The following GRHL2 variants were observed in gnomAD, a reference collection of about 807,000 sequenced individuals.
The protein encoded by GRHL2 is grainyhead like transcription factor 2, also known as grainyhead-like protein 2 homolog.
In GRHL2, 21 loss-of-function variants were observed where a neutral mutation model predicts 83.8. The observed-to-expected ratio is 0.25, with a 90% CI of 0.18 to 0.36. GRHL2 has a LOEUF of 0.36. Among genes scored for constraint, GRHL2 ranks in the 10% least tolerant of loss-of-function variants. The pLI is 1.00. For missense variants in GRHL2, 623 were observed against 781.8 expected (o/e 0.80, Z 2.42); for synonymous variants, 280 against 278.9 (o/e 1.00, Z -0.04).
chr8:101,512,714 C>G (rs968506168), intron 1 of GRHL2, among the ~76,000 whole-genome samples: 1 of 152,194 alleles, frequency 6.6e-6, no homozygotes, highest in African/African-American at 2.4e-5. Flanking sequence ...AAATCTTTCT[C>G]TTTTATTACG....
At chr8:101,575,843 GGTA>G (rs1811922905) in intron 6 of GRHL2, among the ~76,000 whole-genome samples, 1 of 152,238 alleles carries the variant, frequency 6.6e-6, no homozygotes, top group African/African-American at 2.4e-5. Context: ...TGGCTGAGCT[GGTA>G]GTTGCACCAG....
chr8:101,509,209 TTGTG>T (rs59898617), intron 1 of GRHL2, among the ~76,000 whole-genome samples: 17,552 of 53,794 alleles, frequency 0.33, 2,445 homozygotes, highest in Middle Eastern at 0.5. Flanking sequence ...TTCTTTCTTC[TTGTG>T]TGTGTGTGTG....
intron 1 of GRHL2, among the ~76,000 whole-genome samples, chr8:101,526,873 T>TA (rs1297861471): frequency 2.0e-5 from 3 of 152,204 alleles, no homozygotes; most frequent in African/African-American, 7.2e-5. Context: ...GTGAGGTTAA[T>TA]AAAATTAATA....
intron 13 of GRHL2, among the ~76,000 whole-genome samples, 163 bp from the exon 14 acceptor site, chr8:101,649,251 G>A (rs1161929401): frequency 6.6e-6 from 1 of 152,194 alleles, no homozygotes; most frequent in Non-Finnish European, 1.5e-5. Context: ...TTATGGAGAT[G>A]TCTCAGTCAC....
chr8:101,573,223 G>GC lies in GRHL2; in HGVS notation c.735-445_735-444insC, dbSNP rs757639833. Among the ~76,000 whole-genome samples, 728 of 140,774 alleles carry GC rather than the reference G, an allele frequency of 5.2e-3. 4 individuals are homozygous for GC. The highest frequency in any genetic ancestry group is 0.016 in the Middle Eastern group (4 of 258). 92.4% of individuals were successfully genotyped at this position (140,774 alleles called of 152,430 possible). A position where few individuals can be genotyped will look rare whatever the true frequency, so the allele number is the denominator to read the frequency against. ...GTTTTATAGTAAGATACAGCTATCT[G>GC]TAACACCTTGGTTAGACAAAAAAAA... On this transcript the variant is annotated intron_variant, in intron 5 of 15. Coordinates refer to ENST00000646743, the MANE Select transcript of GRHL2 (RefSeq NM_024915.4).
intron 14 of GRHL2, among the ~76,000 whole-genome samples, chr8:101,652,346 TGTG>T (rs767375638): frequency 7.5e-4 from 51 of 68,302 alleles, no homozygotes; most frequent in African/African-American, 4.6e-3. Context: ...TGTGTATGTG[TGTG>T]GTGTGTGTGG....
At chr8:101,503,598 A>G (rs1248008099) in intron 1 of GRHL2, among the ~76,000 whole-genome samples, 4 of 152,228 alleles carry the variant, frequency 2.6e-5, no homozygotes, top group Non-Finnish European at 5.9e-5. Flanking sequence ...TTCCAGTTTC[A>G]GGGATTTGTC....
chr8:101,619,232 G>A (rs908878070), intron 8 of GRHL2, among the ~76,000 whole-genome samples: 5 of 152,028 alleles, frequency 3.3e-5, no homozygotes, highest in African/African-American at 4.8e-5. Flanking sequence ...CAGCCTGGGC[G>A]ACAGAGTGAG....
At chr8:101,663,639 A>T (rs199862523) in intron 14 of GRHL2, among the ~76,000 whole-genome samples, 15 of 124,912 alleles carry the variant, frequency 1.2e-4, no homozygotes, top group Middle Eastern at 4.0e-3. Flanking sequence ...ATAAATAAAT[A>T]AATAAAAATA....
intron 1 of GRHL2, among the ~76,000 whole-genome samples, chr8:101,503,736 A>G (rs1292206046): frequency 6.6e-6 from 1 of 152,202 alleles, no homozygotes; most frequent in Non-Finnish European, 1.5e-5. Context: ...ATGGGACACT[A>G]TGCAAGCATT....
intron 7 of GRHL2, among the ~76,000 whole-genome samples, chr8:101,583,226 G>A (rs1316403152): frequency 6.6e-6 from 1 of 152,194 alleles, no homozygotes; most frequent in Non-Finnish European, 1.5e-5. Flanking sequence ...AGGTAATTCT[G>A]AGCCAGCATG....
intron 7 of GRHL2, among the ~76,000 whole-genome samples, chr8:101,592,063 C>A (rs1489103417): frequency 1.3e-5 from 2 of 150,904 alleles, no homozygotes; most frequent in African/African-American, 2.4e-5. Flanking sequence ...TGACGTAGGA[C>A]CTTAATGACA....
chr8:101,664,434 T>C lies in GRHL2; in HGVS notation c.1699-20T>C. ...GGCGTCCTTCTGTGCTCATCTGCCT[T>C]CTTGTTATTGGTATTACAGATATCT... On this transcript the variant is annotated intron_variant, in intron 14 of 15. Coordinates refer to ENST00000646743, the MANE Select transcript of GRHL2 (RefSeq NM_024915.4). The C allele has an allele frequency of 6.2e-7, 1 of 1,604,212 alleles. No individual in the cohort carries two copies. Among genetic ancestry groups the C allele is most frequent in the Non-Finnish European group, 8.5e-7 (1 of 1,171,102 alleles).
At chr8:101,678,785 T>C in the GRHL2 span, among the ~76,000 whole-genome samples, 2 of 152,048 alleles carry the variant, frequency 1.3e-5, no homozygotes, top group African/African-American at 4.8e-5. Flanking sequence ...CCAAGCAGCC[T>C]AACTGGGAGG....
At chr8:101,643,915 G>A (rs563965694) in intron 12 of GRHL2, among the ~76,000 whole-genome samples, 19 of 152,358 alleles carry the variant, frequency 1.2e-4, no homozygotes, top group Non-Finnish European at 2.2e-4. Context: ...TGGGAAGCAC[G>A]TGTTAAGTCC....
chr8:101,656,076 T>C (rs1006220260), intron 14 of GRHL2, among the ~76,000 whole-genome samples: 2 of 152,232 alleles, frequency 1.3e-5, no homozygotes, highest in Non-Finnish European at 2.9e-5. Flanking sequence ...CCCACCCACG[T>C]AAATAGCATC....
rs1814164937 is a variant in GRHL2, at chr8:101,669,578, T to C, written c.*2875T>C. ...AAGGGAGATTGATATATGTACAATT[T>C]GCTCTCATGTTTTAAAAAAAAAAAG... On this transcript the variant is annotated 3_prime_UTR_variant, in exon 16 of 16. Transcript: ENST00000646743. The C allele has an allele frequency of 6.7e-6, 1 of 148,176 alleles. No individual in the cohort carries two copies. The highest frequency in any genetic ancestry group is 2.3e-4 in the South Asian group (1 of 4,422). 9.2% of individuals were successfully genotyped at this position (148,176 alleles called of 1,614,324 possible).
At chr8:101,515,967 C>G (rs368196642) in intron 1 of GRHL2, among the ~76,000 whole-genome samples, 1 of 152,102 alleles carries the variant, frequency 6.6e-6, no homozygotes, top group Non-Finnish European at 1.5e-5. Context: ...AAAATGGGAG[C>G]GCAGGTTGGC....
chr8:101,522,742 T>TACATATAC (rs1554582882), intron 1 of GRHL2, among the ~76,000 whole-genome samples: 4 of 150,570 alleles, frequency 2.7e-5, no homozygotes, highest in African/African-American at 7.3e-5. Context: ...CATATACATA[T>TACATATAC]ATATATATAC....
Sources: gnomAD v4.1 joint callset for allele counts (sites outside exome capture counted in the v4.1 genomes callset) on GRCh38, gnomAD v4.1.1 for gene constraint, MANE v1.5 for transcripts, NCBI Gene and HGNC (gene_info 2026-07-23, HGNC 2026-07-21) for gene names.